MED13L: variants seen among roughly 807,000 people sequenced by gnomAD.
The protein encoded by MED13L is mediator of RNA polymerase II transcription subunit 13-like.
Under a neutral mutation model 220.9 loss-of-function variants are expected in MED13L, and 7 were observed. The observed-to-expected ratio is 0.03, with a 90% CI of 0.02 to 0.06. The LOEUF (loss-of-function observed/expected upper bound fraction) is 0.06. MED13L is among the 10% of genes least tolerant of loss of function. The pLI is 1.00. For synonymous variants in MED13L, 1,011 were observed against 1,015.2 expected (o/e 1.00, Z 0.08); for missense variants, 1,965 against 2,760.5 (o/e 0.71, Z 6.46).
At chr12:116,057,618 C>T (rs1240832163) in intron 4 of MED13L, among the ~76,000 whole-genome samples, 1 of 150,838 alleles carries the variant, frequency 6.6e-6, no homozygotes, top group South Asian at 2.1e-4. Context: ...TCTTAATCTA[C>T]CCCAAACTTA....
At chr12:116,018,259 G>C (rs941935318) in intron 7 of MED13L, among the ~76,000 whole-genome samples, 1 of 152,180 alleles carries the variant, frequency 6.6e-6, no homozygotes, top group Non-Finnish European at 1.5e-5. Context: ...TTACAACGAG[G>C]TGCGCTCAAT....
chr12:116,175,398 C>CT (rs1439114851), intron 2 of MED13L, among the ~76,000 whole-genome samples: 3 of 152,054 alleles, frequency 2.0e-5, no homozygotes, highest in African/African-American at 7.2e-5. Flanking sequence ...TCTTAAAAAG[C>CT]TTAATTCTGA....
At chr12:116,078,263 G>C (rs1016491407) in intron 4 of MED13L, among the ~76,000 whole-genome samples, 13 of 152,038 alleles carry the variant, frequency 8.6e-5, no homozygotes, top group Admixed American at 8.5e-4. Context: ...CTAAATGCCA[G>C]TCTCTATGCA....
chr12:116,197,397 T>C (rs909342682), intron 2 of MED13L, among the ~76,000 whole-genome samples: 1 of 152,162 alleles, frequency 6.6e-6, no homozygotes, highest in Admixed American at 6.5e-5. Context: ...TCTTCAGTCA[T>C]TTAGCACAAC....
At chr12:116,039,361 C>G (rs1881387544) in intron 4 of MED13L, among the ~76,000 whole-genome samples, 1 of 152,182 alleles carries the variant, frequency 6.6e-6, no homozygotes, top group Admixed American at 6.5e-5. Flanking sequence ...AGTTTCCCAG[C>G]AAAAGAGAAA....
intron 14 of MED13L, among the ~76,000 whole-genome samples, chr12:115,997,655 CAA>C (rs1878492408): frequency 6.6e-6 from 1 of 152,232 alleles, no homozygotes; most frequent in East Asian, 1.9e-4. Flanking sequence ...CTCCTGGGCT[CAA>C]GTGGCCCGCC....
In MED13L at chr12:116,047,204, A is replaced by C. The variant is rs372367198; in HGVS notation, c.480-24603T>G. Reference sequence around the variant, plus strand: ...ATCTCTACAAAAAGAAAAATAAAAAATTGGCCAGGCCTGGTAGCGCATGCT... The same window carrying C: ...ATCTCTACAAAAAGAAAAATAAAAACTTGGCCAGGCCTGGTAGCGCATGCT... On this transcript the variant is annotated intron_variant, in intron 4 of 30. Transcript: ENST00000281928. Among the ~76,000 whole-genome samples, 11 of 152,120 alleles carry C rather than the reference A, an allele frequency of 7.2e-5. No individual in the cohort carries two copies. The South Asian group carries it at 1.2e-3, about 17-fold the overall frequency.
chr12:116,063,177 A>G (rs1036831780), intron 4 of MED13L, among the ~76,000 whole-genome samples: 5 of 152,154 alleles, frequency 3.3e-5, no homozygotes, highest in African/African-American at 1.2e-4. Context: ...GGTCTGTGTT[A>G]GCCCCTGGGC....
At chr12:115,992,045 T>C in intron 16 of MED13L, 88 bp from the exon 17 acceptor site, 2 of 1,146,674 alleles carry the variant, frequency 1.7e-6, no homozygotes, top group Admixed American at 2.0e-5. Context: ...ATGTACTGTG[T>C]ATTTCTTATC....
chr12:115,970,845 G>T, intron 26 of MED13L, 75 bp from the exon 27 acceptor site: 2 of 1,348,754 alleles, frequency 1.5e-6, no homozygotes, highest in South Asian at 1.2e-5. Flanking sequence ...GCCTGATCTG[G>T]AGTGGTATGA....
chr12:116,231,026 T>A (rs910094429), intron 2 of MED13L, among the ~76,000 whole-genome samples: 9 of 152,318 alleles, frequency 5.9e-5, no homozygotes, highest in Middle Eastern at 3.4e-3. Context: ...CTTTGGTAGA[T>A]CTTCAATATT....
intron 1 of MED13L, among the ~76,000 whole-genome samples, chr12:116,240,239 T>G (rs1388185371): frequency 6.6e-6 from 1 of 151,912 alleles, no homozygotes; most frequent in East Asian, 2.0e-4. Context: ...TGGGACTACA[T>G]GCGTGCACCA....
intron 1 of MED13L, 41 bp downstream of exon 1, chr12:116,277,019 C>G (rs758292328): frequency 1.5e-5 from 21 of 1,418,088 alleles, no homozygotes; most frequent in Non-Finnish European, 2.0e-5. Context: ...GACCCCCCCC[C>G]TTCCCCGGCA....
intron 2 of MED13L, among the ~76,000 whole-genome samples, chr12:116,140,786 A>C (rs1164798181): frequency 6.6e-6 from 1 of 152,182 alleles, no homozygotes; most frequent in Non-Finnish European, 1.5e-5. Context: ...CAGGTCTTGC[A>C]ACAACTGAAT....
chr12:116,157,517 T>C (rs1007275185), intron 2 of MED13L, among the ~76,000 whole-genome samples: 1 of 152,214 alleles, frequency 6.6e-6, no homozygotes, highest in African/African-American at 2.4e-5. Context: ...AGTCTATCAG[T>C]AGTATACTAC....
At chr12:115,996,803 G>T in intron 15 of MED13L, 122 bp from the exon 16 acceptor site, 1 of 1,078,852 alleles carries the variant, frequency 9.3e-7, no homozygotes, top group Non-Finnish European at 1.4e-6. Context: ...TCTCTCCTAT[G>T]ATCATTAGAA....
At chr12:116,243,661 C>T (rs2138487490) in intron 1 of MED13L, among the ~76,000 whole-genome samples, 1 of 151,896 alleles carries the variant, frequency 6.6e-6, no homozygotes, top group South Asian at 2.1e-4. Flanking sequence ...TATGGCTCCT[C>T]AGAGTTAAAA....
At chr12:116,181,508 T>C (rs1880523289) in intron 2 of MED13L, among the ~76,000 whole-genome samples, 1 of 152,122 alleles carries the variant, frequency 6.6e-6, no homozygotes, top group African/African-American at 2.4e-5. Flanking sequence ...TCAAAGTTTG[T>C]TTTTTTGTTT....
intron 1 of MED13L, among the ~76,000 whole-genome samples, chr12:116,243,188 A>G (rs1870803197): frequency 6.6e-6 from 1 of 152,258 alleles, no homozygotes; most frequent in African/African-American, 2.4e-5. Context: ...CTATTCTGAT[A>G]GCAAGACAGG....
Sources: allele counts gnomAD v4.1 joint callset (sites outside exome capture counted in the v4.1 genomes callset), GRCh38; gene constraint gnomAD v4.1.1; transcripts MANE v1.5; gene names NCBI Gene and HGNC (gene_info 2026-07-23, HGNC 2026-07-21).